The following REPS2 variants were observed in gnomAD, a reference collection of about 807,000 sequenced individuals.
REPS2 encodes ralBP1-associated Eps domain-containing protein 2.
A neutral mutation model predicts 53.6 loss-of-function variants in REPS2; 23 were observed. The ratio of observed to expected loss-of-function variants is 0.43; its 90% CI spans 0.31 to 0.61. REPS2 has a LOEUF of 0.61. REPS2 is among the 20% of genes least tolerant of loss of function. The probability of loss-of-function intolerance (pLI) is 0.11; values close to 1 mark genes in which losing one functional copy is unlikely to be tolerated. For missense variants in REPS2, 446 were observed against 534.9 expected (o/e 0.83, Z 1.64); for synonymous variants, 238 against 218.6 (o/e 1.09, Z -0.78).
At chrX:16,992,892 G>A (rs746440360) in intron 1 of REPS2, among the ~76,000 whole-genome samples, 1 of 112,209 alleles carries the variant, frequency 8.9e-6, no homozygotes, top group African/African-American at 3.2e-5. Flanking sequence ...TCCTCTGTCT[G>A]AAGTGATCAG....
intron 5 of REPS2, among the ~76,000 whole-genome samples, chrX:17,040,115 G>A (rs539134538): frequency 4.0e-4 from 45 of 112,348 alleles, no homozygotes; most frequent in Middle Eastern, 4.6e-3. Context: ...AAACAGATAA[G>A]GTTAAATTTC....
intron 1 of REPS2, among the ~76,000 whole-genome samples, chrX:16,991,638 C>T (rs947406258): frequency 2.7e-5 from 3 of 110,568 alleles, no homozygotes; most frequent in South Asian, 3.8e-4. Flanking sequence ...GAGGTTATAC[C>T]GGAGTAGGGT....
At chrX:17,071,474 A>C (rs901951767) in intron 11 of REPS2, among the ~76,000 whole-genome samples, 1 of 110,567 alleles carries the variant, frequency 9.0e-6, no homozygotes, top group African/African-American at 3.3e-5. Context: ...GGCATCACCA[A>C]ATAAAACTTG....
intron 2 of REPS2, among the ~76,000 whole-genome samples, chrX:17,008,948 A>C (rs757221469): frequency 2.6e-4 from 29 of 111,433 alleles, no homozygotes; most frequent in Non-Finnish European, 5.3e-4. Context: ...CCAGAAACTC[A>C]GCAGCCATCC....
chrX:17,135,447 C>A (rs374601739), intron 16 of REPS2, 41 bp downstream of exon 16: 1 of 1,170,586 alleles, frequency 8.5e-7, no homozygotes, highest in Non-Finnish European at 1.1e-6. Flanking sequence ...AGGAATCTCG[C>A]TCTGAGATGT....
chrX:17,018,704 C>T (rs1323406169), intron 2 of REPS2, among the ~76,000 whole-genome samples: 2 of 109,336 alleles, frequency 1.8e-5, no homozygotes, highest in African/African-American at 6.7e-5. Flanking sequence ...GTTCTCTGCC[C>T]AGCACCCTCC....
chrX:17,142,704 A>C (rs1327657321), intron 17 of REPS2, among the ~76,000 whole-genome samples: 1 of 112,192 alleles, frequency 8.9e-6, no homozygotes, highest in Non-Finnish European at 1.9e-5. Flanking sequence ...ATGTGACATC[A>C]CCAAGTGCTG....
intron 5 of REPS2, among the ~76,000 whole-genome samples, chrX:17,041,077 C>T (rs2061823985): frequency 8.9e-6 from 1 of 111,857 alleles, no homozygotes; most frequent in Non-Finnish European, 1.9e-5. Context: ...CCGCTGTCCT[C>T]AGCATGGTGA....
intron 14 of REPS2, among the ~76,000 whole-genome samples, chrX:17,120,231 A>T (rs1412894493): frequency 1.8e-5 from 2 of 111,405 alleles, no homozygotes; most frequent in Non-Finnish European, 3.8e-5. Context: ...GCAGATGTGG[A>T]TTGGGAGGAT....
intron 2 of REPS2, among the ~76,000 whole-genome samples, chrX:17,012,303 C>T (rs1365801428): frequency 1.8e-5 from 2 of 110,028 alleles, no homozygotes; most frequent in African/African-American, 3.3e-5. Context: ...CACTTGAACC[C>T]GGGAGGCGGA....
chrX:17,079,490 G>A (rs985696491), intron 13 of REPS2, among the ~76,000 whole-genome samples: 1 of 111,572 alleles, frequency 9.0e-6, no homozygotes, highest in African/African-American at 3.3e-5. Flanking sequence ...CCCCTCACTC[G>A]AATAATATAC....
chrX:17,133,984 A>G, intron 15 of REPS2, 77 bp downstream of exon 15: 1 of 739,926 alleles, frequency 1.4e-6, no homozygotes, highest in South Asian at 2.2e-5. Context: ...TAGCTGATCT[A>G]TTGTTTTAAG....
At position 17,100,232 on chromosome X, in the gene REPS2, C is replaced by T. The variant is rs182643025; in HGVS notation, c.1517-3486C>T. ...CTCCACTTTGCCCTTTACCAATCGACGGTAGAGAACTTTTTCCACCACATA... is the reference window on the plus strand; with the variant it reads ...CTCCACTTTGCCCTTTACCAATCGATGGTAGAGAACTTTTTCCACCACATA... On this transcript the variant is annotated intron_variant, in intron 13 of 17. Coordinates refer to ENST00000357277, the MANE Select transcript of REPS2 (RefSeq NM_004726.3). The T allele has an allele frequency of 2.3e-3, 1,335 of 578,732 alleles. 2 individuals are homozygous for T. The highest frequency in any genetic ancestry group is 3.3e-3 in the Non-Finnish European group (1,092 of 327,270). 47.7% of individuals were successfully genotyped at this position (578,732 alleles called of 1,213,427 possible). A position where few individuals can be genotyped will look rare whatever the true frequency, so the allele number is the denominator to read the frequency against.
intron 2 of REPS2, among the ~76,000 whole-genome samples, chrX:17,007,874 T>G (rs1428700402): frequency 8.9e-6 from 1 of 112,235 alleles, no homozygotes; most frequent in Non-Finnish European, 1.9e-5. Context: ...ATTTGAACTT[T>G]AGGGAGGTTG....
intron 1 of REPS2, among the ~76,000 whole-genome samples, chrX:16,970,478 G>A (rs187710501): frequency 2.7e-5 from 3 of 112,298 alleles, no homozygotes; most frequent in Admixed American, 9.4e-5. Context: ...GATTATAGGC[G>A]TGAGCCACTG....
At chrX:17,063,060 A>C (rs1396523118) in intron 9 of REPS2, among the ~76,000 whole-genome samples, 1 of 112,133 alleles carries the variant, frequency 8.9e-6, no homozygotes, top group East Asian at 2.8e-4. Context: ...AGGAACTTGG[A>C]GAATTCCCCC....
chrX:17,168,035 G>T, the REPS2 span, among the ~76,000 whole-genome samples: 1 of 111,854 alleles, frequency 8.9e-6, no homozygotes, highest in Non-Finnish European at 1.9e-5. Context: ...GTCTCCCTCT[G>T]GTTTCAAACA....
At chrX:17,100,275 C>G (rs1436424501) in intron 13 of REPS2, 1 of 561,686 alleles carries the variant, frequency 1.8e-6, no homozygotes, top group Non-Finnish European at 3.2e-6. Context: ...TCCTCCTCTT[C>G]TAGCACCTCC....
At chrX:17,170,718 T>C in the REPS2 span, among the ~76,000 whole-genome samples, 2 of 112,561 alleles carry the variant, frequency 1.8e-5, no homozygotes, top group East Asian at 5.6e-4. Context: ...TTAGGAATTT[T>C]CTGGGGAAAG....
Sources: gnomAD v4.1 joint callset for allele counts (sites outside exome capture counted in the v4.1 genomes callset) on GRCh38, gnomAD v4.1.1 for gene constraint, MANE v1.5 for transcripts, NCBI Gene and HGNC (gene_info 2026-07-23, HGNC 2026-07-21) for gene names.